The following DNAH8 variants were observed in gnomAD, a reference collection of about 807,000 sequenced individuals.
DNAH8 encodes the protein dynein axonemal heavy chain 8.
A neutral mutation model predicts 562.1 loss-of-function variants in DNAH8; 382 were observed. The ratio of observed to expected loss-of-function variants is 0.68; its 90% CI spans 0.63 to 0.74. The LOEUF (loss-of-function observed/expected upper bound fraction) is 0.74. Ranked by LOEUF, DNAH8 falls within the 30% of genes least tolerant of loss-of-function variation. The pLI is 0.00. For missense variants in DNAH8, 5,203 were observed against 5,620.4 expected (o/e 0.93, Z 2.37); for synonymous variants, 1,881 against 1,919.4 (o/e 0.98, Z 0.52).
At chr6:38,759,916 T>C (rs1766327846) in intron 10 of DNAH8, among the ~76,000 whole-genome samples, 1 of 152,186 alleles carries the variant, frequency 6.6e-6, no homozygotes, top group East Asian at 1.9e-4. Flanking sequence ...GCCCAATCTC[T>C]CTTTCCTGCT....
At chr6:39,004,659 C>T (rs1765693585) in intron 88 of DNAH8, among the ~76,000 whole-genome samples, 1 of 152,190 alleles carries the variant, frequency 6.6e-6, no homozygotes, top group African/African-American at 2.4e-5. Context: ...TTCCATCACT[C>T]TAAAAAGAAA....
rs762717515 is a variant in DNAH8, at chr6:38,873,727, T to TACACACACACAC, written c.7620+382_7620+393dup. Among the ~76,000 whole-genome samples the TACACACACACAC allele has an allele frequency of 1.9e-3, 187 of 96,472 alleles. 2 individuals are homozygous for TACACACACACAC. Among genetic ancestry groups the TACACACACACAC allele is most frequent in the African/African-American group, 2.8e-3 (87 of 31,398 alleles). The allele number at this position is 96,472 out of a possible 152,430, so 63.3% of individuals were successfully genotyped here. On this transcript the variant is annotated intron_variant, in intron 52 of 92. Coordinates refer to ENST00000327475, the MANE Select transcript of DNAH8 (RefSeq NM_001206927.2). ...ATAAATAAAAAATAACACATACACC[T>TACACACACACAC]ACACACACACACACACACACACACA...
chr6:38,729,590 C>T, intron 3 of DNAH8, among the ~76,000 whole-genome samples: 1 of 152,306 alleles, frequency 6.6e-6, no homozygotes, highest in South Asian at 2.1e-4. Context: ...AATAGTTTAT[C>T]TTAATAATAC....
At chr6:38,900,046 C>A in intron 62 of DNAH8, 140 bp downstream of exon 62, 1 of 694,022 alleles carries the variant, frequency 1.4e-6, no homozygotes, top group Non-Finnish European at 2.1e-6. Context: ...AGGATATTTA[C>A]GCAAGTGTCA....
At chr6:38,729,778 T>G (rs886324215) in intron 3 of DNAH8, 124 bp from the exon 4 acceptor site, 2 of 604,044 alleles carry the variant, frequency 3.3e-6, no homozygotes, top group African/African-American at 1.9e-5. Flanking sequence ...TTAAATTAGT[T>G]TGGGTTCTAA....
At chr6:38,942,415 G>A (rs144018510) in intron 79 of DNAH8, among the ~76,000 whole-genome samples, 2 of 152,290 alleles carry the variant, frequency 1.3e-5, no homozygotes, top group African/African-American at 4.8e-5. Context: ...GGTAGAAAGA[G>A]GAGGTCAGGT....
chr6:38,734,373 C>G, intron 4 of DNAH8, 101 bp from the exon 5 acceptor site: 1 of 1,256,568 alleles, frequency 8.0e-7, no homozygotes, highest in South Asian at 1.5e-5. Context: ...AAACTTCTTA[C>G]AATAAAGTAA....
Position 38,827,733 on chromosome 6 carries a change from C to CTTTTTTTTTTTTTTTTTTTTTTT in DNAH8, c.4084-435_4084-413dup, listed in dbSNP as rs562852660. On this transcript the variant is annotated intron_variant, in intron 29 of 92. Coordinates refer to ENST00000327475, the MANE Select transcript of DNAH8 (RefSeq NM_001206927.2). ...TGCAAAAGCTTAATTCTTTACCAAA[C>CTTTTTTTTTTTTTTTTTTTTTTT]TTTTTTTTTTTTTTTTTTTTTTTTT... Among the ~76,000 whole-genome samples the CTTTTTTTTTTTTTTTTTTTTTTT allele has an allele frequency of 2.5e-3, 128 of 52,244 alleles. 63 individuals carry two copies. Among genetic ancestry groups the CTTTTTTTTTTTTTTTTTTTTTTT allele is most frequent in the East Asian group, 2.9e-3 (6 of 2,104 alleles). The allele number at this position is 52,244 out of a possible 152,430, so 34.3% of individuals were successfully genotyped here.
chr6:38,756,434 TC>T (rs913336408), intron 10 of DNAH8, among the ~76,000 whole-genome samples: 4 of 152,190 alleles, frequency 2.6e-5, no homozygotes, highest in Non-Finnish European at 5.9e-5. Context: ...TGTAAAATTT[TC>T]CTGTGTAGCG....
intron 88 of DNAH8, 66 bp from the exon 89 acceptor site, chr6:39,008,748 A>G: frequency 2.4e-6 from 2 of 821,228 alleles, no homozygotes; most frequent in Non-Finnish European, 3.5e-6. Context: ...AGTTCATTTT[A>G]ACACTTGACA....
At chr6:38,968,815 C>A (rs945984801) in intron 82 of DNAH8, among the ~76,000 whole-genome samples, 2 of 152,098 alleles carry the variant, frequency 1.3e-5, no homozygotes, top group African/African-American at 4.8e-5. Flanking sequence ...AATATACATC[C>A]ACCCAAAAAC....
At chr6:38,756,774 G>GT (rs200278427) in intron 10 of DNAH8, among the ~76,000 whole-genome samples, 1 of 150,774 alleles carries the variant, frequency 6.6e-6, no homozygotes, top group East Asian at 1.9e-4. Flanking sequence ...TGCGGTGTTT[G>GT]TTTTTTTGTC....
At chr6:38,796,434 T>C (rs1770253547) in intron 21 of DNAH8, among the ~76,000 whole-genome samples, 1 of 152,118 alleles carries the variant, frequency 6.6e-6, no homozygotes, top group Non-Finnish European at 1.5e-5. Context: ...TGGGTCCTTT[T>C]AAGGGAGGAG....
rs558333329 is a variant in DNAH8 at position 38,831,014 on chromosome 6, A to G, written c.4189-1308A>G. On this transcript the variant is annotated intron_variant, in intron 30 of 92. Coordinates refer to ENST00000327475, the MANE Select transcript of DNAH8 (RefSeq NM_001206927.2). ...TCATGTTTATTTAAATTCATATTCA[A>G]TATTAACTAATAGCTTACTCCTCTT... Among the ~76,000 whole-genome samples, 13 of 152,336 alleles carry G rather than the reference A, an allele frequency of 8.5e-5. No homozygotes were observed. The South Asian group carries it at 1.9e-3, about 22-fold the overall frequency.
chr6:38,957,800 C>G (rs1762341060), intron 82 of DNAH8, among the ~76,000 whole-genome samples: 1 of 141,018 alleles, frequency 7.1e-6, no homozygotes, highest in African/African-American at 2.6e-5. Flanking sequence ...GGAAATACAA[C>G]ACACCATAAT....
intron 86 of DNAH8, 33 bp from the exon 87 acceptor site, chr6:38,984,173 A>T: frequency 7.7e-7 from 1 of 1,301,104 alleles, no homozygotes; most frequent in Non-Finnish European, 1.1e-6. Context: ...GTTTGGGTTG[A>T]CAATTAATAA....
At chr6:39,002,022 A>C (rs1428351745) in intron 88 of DNAH8, among the ~76,000 whole-genome samples, 1 of 152,216 alleles carries the variant, frequency 6.6e-6, no homozygotes, top group Non-Finnish European at 1.5e-5. Context: ...AACTGGGCAG[A>C]CATTGATGTC....
intron 7 of DNAH8, among the ~76,000 whole-genome samples, chr6:38,740,153 G>T (rs1394534147): frequency 6.6e-6 from 1 of 152,018 alleles, no homozygotes; most frequent in East Asian, 1.9e-4. Flanking sequence ...TCTTTTCTCT[G>T]TTTTTCCTCA....
At chr6:39,008,099 G>A in intron 88 of DNAH8, among the ~76,000 whole-genome samples, 1 of 151,810 alleles carries the variant, frequency 6.6e-6, no homozygotes, top group Non-Finnish European at 1.5e-5. Flanking sequence ...CTCTCTGAAA[G>A]CATCCTGTTC....
Sources: allele counts gnomAD v4.1 joint callset (sites outside exome capture counted in the v4.1 genomes callset), GRCh38; gene constraint gnomAD v4.1.1; transcripts MANE v1.5; gene names NCBI Gene and HGNC (gene_info 2026-07-23, HGNC 2026-07-21).